Variants in VPS33B observed in about 807,000 individuals in gnomAD.
VPS33B encodes the protein vacuolar protein sorting-associated protein 33B.
In VPS33B, 80 loss-of-function variants were observed where a neutral mutation model predicts 95.3. The observed-to-expected ratio is 0.84, with a 90% CI of 0.70 to 1.01. The LOEUF is 1.01. Among genes scored for constraint, VPS33B ranks in the 50% least tolerant of loss-of-function variants. The pLI is 0.00. For missense variants in VPS33B, 715 were observed against 773.4 expected, an observed-to-expected ratio of 0.92 and a Z score of 0.90; for synonymous variants, 280 against 280.4, an observed-to-expected ratio of 1.00 and a Z score of 0.01.
intron 6 of VPS33B, among the ~76,000 whole-genome samples, chr15:91,008,853 G>A (rs931169142): frequency 6.6e-6 from 1 of 152,134 alleles, no homozygotes; most frequent in Non-Finnish European, 1.5e-5. Flanking sequence ...TTAGAATTTG[G>A]GTAAGACTCG....
chr15:91,006,887 C>T lies in VPS33B; in HGVS notation c.700+63G>A, dbSNP rs934287389. 1.2e-4 allele frequency: 188 copies of T among 1,607,384 alleles called. No individual in the cohort carries two copies. The highest frequency in any genetic ancestry group is 1.6e-4 in the Middle Eastern group (1 of 6,074). Reference sequence around the variant, plus strand: ...CTTTAGGATTTTAACTTTGCCACCACGCCTTCCATATTCCCGTGTCTTCTA... The same window carrying T: ...CTTTAGGATTTTAACTTTGCCACCATGCCTTCCATATTCCCGTGTCTTCTA... On this transcript the variant is annotated intron_variant, in intron 9 of 22. Transcript: ENST00000333371. The surrounding 1 kb of genome is among the most constrained non-coding windows in gnomAD (Gnocchi z 5.4).
chr15:91,014,458 C>A (rs2040867686), intron 3 of VPS33B, 25 bp from the exon 4 acceptor site: 1 of 1,610,040 alleles, frequency 6.2e-7, no homozygotes, highest in Non-Finnish European at 8.5e-7. Context: ...GAAAAAAAAA[C>A]AGTGAAGAAG....
chr15:91,009,986 T>A lies in VPS33B; in HGVS notation c.358-140A>T. On this transcript the variant is annotated intron_variant, in intron 5 of 22. Coordinates refer to ENST00000333371, the MANE Select transcript of VPS33B (RefSeq NM_018668.5). The surrounding 1 kb of genome is among the most constrained non-coding windows in gnomAD (Gnocchi z 4.1). ...CAAGAGAACCCAGACTCTTAAGATC[T>A]AGAAAGAACCATTAGAATCATTCAG... 1 of 896,134 alleles carries A rather than the reference T, an allele frequency of 1.1e-6. No homozygotes were observed. The highest frequency in any genetic ancestry group is 1.8e-6 in the Non-Finnish European group (1 of 550,906). 55.5% of individuals were successfully genotyped at this position (896,134 alleles called of 1,614,324 possible).
At chr15:91,001,988 C>G in intron 18 of VPS33B, 62 bp downstream of exon 18, 1 of 1,611,564 alleles carries the variant, frequency 6.2e-7, no homozygotes, top group Non-Finnish European at 8.5e-7. Context: ...TCCCAGCATG[C>G]TGCGTGTTGA....
At chr15:91,017,365 T>TAAAAAAAAAAAAAAAAA (rs1272281030) in intron 2 of VPS33B, among the ~76,000 whole-genome samples, 8 of 17,000 alleles carry the variant, frequency 4.7e-4, no homozygotes, top group African/African-American at 8.6e-4. Flanking sequence ...TCTACAAAAT[T>TAAAAAAAAAAAAAAAAA]AAATATATAT....
chr15:91,001,261 G>C lies in VPS33B; in HGVS notation c.1479+128C>G, dbSNP rs557790506. On this transcript the variant is annotated intron_variant, in intron 19 of 22. Transcript: ENST00000333371. ...GGAGGCAGAGGTTGCAGTGAGCTGAGATTGTGCCACTGCACTCCAGCCTGG... is the reference window on the plus strand; with the variant it reads ...GGAGGCAGAGGTTGCAGTGAGCTGACATTGTGCCACTGCACTCCAGCCTGG... 6.4e-5 allele frequency: 43 copies of C among 675,732 alleles called. No homozygotes were observed. In the African/African-American group the frequency reaches 7.2e-4, roughly 11 times the overall value. 41.9% of individuals were successfully genotyped at this position (675,732 alleles called of 1,614,324 possible). A position where few individuals can be genotyped will look rare whatever the true frequency, so the allele number is the denominator to read the frequency against.
chr15:91,013,326 C>T lies in VPS33B; in HGVS notation c.357+478G>A, dbSNP rs1254084251. 2.8e-4 allele frequency among the ~76,000 whole-genome samples: 43 copies of T among 152,222 alleles called. No homozygotes were observed. Among genetic ancestry groups the T allele is most frequent in the Admixed American group, 2.8e-3 (43 of 15,290 alleles). On this transcript the variant is annotated intron_variant, in intron 5 of 22. Coordinates refer to ENST00000333371, the MANE Select transcript of VPS33B (RefSeq NM_018668.5). This position sits in a 1 kb window ranked among gnomAD's most constrained non-coding sequence, Gnocchi z 4.5. ...GTTAGTGACAGGTATTAGGTTCAATCACACATAATTTGCTTTGAGGGAGTG... is the reference window on the plus strand; with the variant it reads ...GTTAGTGACAGGTATTAGGTTCAATTACACATAATTTGCTTTGAGGGAGTG...
rs568309234 is a variant in VPS33B, at chr15:91,001,118, C to G, written c.1479+271G>C. On this transcript the variant is annotated intron_variant, in intron 19 of 22. Transcript: ENST00000333371. ...ATCACCTGAGGTCAGAAGTTCAAGACCAGCCTGGCCAACATGGGGAAACCT... is the reference window on the plus strand; with the variant it reads ...ATCACCTGAGGTCAGAAGTTCAAGAGCAGCCTGGCCAACATGGGGAAACCT... The G allele has an allele frequency of 3.8e-4, 153 of 397,682 alleles. 1 individual carries two copies. The highest frequency in any genetic ancestry group is 2.9e-3 in the African/African-American group (140 of 48,232). 24.6% of individuals were successfully genotyped at this position (397,682 alleles called of 1,614,324 possible). A position where few individuals can be genotyped will look rare whatever the true frequency, so the allele number is the denominator to read the frequency against.
intron 16 of VPS33B, 29 bp from the exon 17 acceptor site, chr15:91,003,160 A>C (rs142068481): frequency 2.5e-6 from 4 of 1,613,838 alleles, no homozygotes; most frequent in South Asian, 1.1e-5. Flanking sequence ...AGACAGGTGC[A>C]TGAGAAAGAG....
At position 91,005,350 on chromosome 15, in the gene VPS33B, G is replaced by A; in HGVS notation, c.1105+30C>T. 1 of 1,614,140 alleles carries A rather than the reference G, an allele frequency of 6.2e-7. No individual in the cohort carries two copies. The highest frequency in any genetic ancestry group is 8.5e-7 in the Non-Finnish European group (1 of 1,180,004). On this transcript the variant is annotated intron_variant, in intron 14 of 22. Coordinates refer to ENST00000333371, the MANE Select transcript of VPS33B (RefSeq NM_018668.5). This position sits in a 1 kb window ranked among gnomAD's most constrained non-coding sequence, Gnocchi z 6.4. ...GGGAGCTGGGGAAGTAGAAGCGTGG[G>A]CAGTAGCACAGCAAGGCTGCGGCAG...
rs748550254 is a variant in VPS33B at position 91,000,128 on chromosome 15, C to A, written c.1582-153G>T. On this transcript the variant is annotated intron_variant, in intron 20 of 22. Coordinates refer to ENST00000333371, the MANE Select transcript of VPS33B (RefSeq NM_018668.5). The surrounding 1 kb of genome is among the most constrained non-coding windows in gnomAD (Gnocchi z 4.9). Reference sequence around the variant, plus strand: ...GGTGTGGTGGCTCACGCCTGTAATTCCAACACTTTAGGAGTTTGAGGCGGG... The same window carrying A: ...GGTGTGGTGGCTCACGCCTGTAATTACAACACTTTAGGAGTTTGAGGCGGG... Among the ~76,000 whole-genome samples, 28 of 152,180 alleles carry A rather than the reference C, an allele frequency of 1.8e-4. No individual in the cohort carries two copies. The highest frequency in any genetic ancestry group is 3.5e-4 in the Non-Finnish European group (24 of 68,028).
In VPS33B at chr15:91,010,073, C is replaced by T. The variant is rs79439930; in HGVS notation, c.358-227G>A. Among the ~76,000 whole-genome samples the T allele has an allele frequency of 0.022, 3,347 of 152,294 alleles. 121 individuals are homozygous for T. Among genetic ancestry groups the T allele is most frequent in the African/African-American group, 0.077 (3,210 of 41,538 alleles). ...TGTTTGAGTAAATTGCTTCTTATCTCCCTGAGAGAATGGAAGAGGTTTACA... is the reference window on the plus strand; with the variant it reads ...TGTTTGAGTAAATTGCTTCTTATCTTCCTGAGAGAATGGAAGAGGTTTACA... On this transcript the variant is annotated intron_variant, in intron 5 of 22. Transcript: ENST00000333371. The surrounding 1 kb of genome is among the most constrained non-coding windows in gnomAD (Gnocchi z 5.7).
At position 91,009,400 on chromosome 15, in the gene VPS33B, G is replaced by T. The variant is rs2040714258; in HGVS notation, c.403+401C>A. Among the ~76,000 whole-genome samples the T allele has an allele frequency of 6.6e-6, 1 of 151,670 alleles. No homozygotes were observed. The highest frequency in any genetic ancestry group is 2.1e-4 in the South Asian group (1 of 4,800). ...CGGCTCACTGCAACCTCTGCCTCCC[G>T]GGTTCAAGCAATTCTTCTGCCTCAG... On this transcript the variant is annotated intron_variant, in intron 6 of 22. Coordinates refer to ENST00000333371, the MANE Select transcript of VPS33B (RefSeq NM_018668.5). The surrounding 1 kb of genome is among the most constrained non-coding windows in gnomAD (Gnocchi z 4.1).
chr15:91,017,302 C>T (rs888526247), intron 2 of VPS33B, among the ~76,000 whole-genome samples: 3 of 140,062 alleles, frequency 2.1e-5, no homozygotes, highest in South Asian at 2.3e-4. Context: ...GTAGGAGGAT[C>T]ACTTGAACCC....
Position 91,006,157 on chromosome 15 carries a change from A to C in VPS33B, c.853-98T>G. 1.4e-6 allele frequency: 2 copies of C among 1,434,476 alleles called. No individual in the cohort carries two copies. The highest frequency in any genetic ancestry group is 4.6e-5 in the East Asian group (2 of 43,616). The allele number at this position is 1,434,476 out of a possible 1,614,324, so 88.9% of individuals were successfully genotyped here. Reference sequence around the variant, plus strand: ...AAGGGTACTCAGGTGTTCTGGCAGAAATACAAAGAAAGCTGAGCTGGGATC... The same window carrying C: ...AAGGGTACTCAGGTGTTCTGGCAGACATACAAAGAAAGCTGAGCTGGGATC... On this transcript the variant is annotated intron_variant, in intron 11 of 22. Coordinates refer to ENST00000333371, the MANE Select transcript of VPS33B (RefSeq NM_018668.5). This position sits in a 1 kb window ranked among gnomAD's most constrained non-coding sequence, Gnocchi z 5.4.
In VPS33B at chr15:91,006,725, C is replaced by T. The variant is rs746711287; in HGVS notation, c.705G>A (p.Val235=). 5 of 1,614,046 alleles carry T rather than the reference C, an allele frequency of 3.1e-6. No homozygotes were observed. Among genetic ancestry groups the T allele is most frequent in the East Asian group, 2.2e-5 (1 of 44,892 alleles). The change falls in exon 10 of 23, where the codon GTG becomes GTA. Residue 235 remains valine (V), a synonymous_variant. Transcript: ENST00000333371. This position sits in a 1 kb window ranked among gnomAD's most constrained non-coding sequence, Gnocchi z 5.4. ...GGGAGCAAAGTGCTGTCACAAAGTC[C>T]ACATCTGAAACAGAGATCCCTGACC... ...IGHIFLLDRD[V]DFVTALCSQV... is the part of the protein sequence containing the mutation.
Position 91,007,749 on chromosome 15 carries a change from T to C in VPS33B, c.498+121A>G, listed in dbSNP as rs974126396. On this transcript the variant is annotated intron_variant, in intron 7 of 22. Coordinates refer to ENST00000333371, the MANE Select transcript of VPS33B (RefSeq NM_018668.5). The surrounding 1 kb of genome is among the most constrained non-coding windows in gnomAD (Gnocchi z 5.3). ...CAATCTGTAGCACTCAATCACCACA[T>C]CACTATCACTTGTGATAAATTACTT... is the stretch of plus-strand genomic sequence containing the variant. 8 of 1,165,120 alleles carry C rather than the reference T, an allele frequency of 6.9e-6. No individual in the cohort carries two copies. The African/African-American group carries it at 1.1e-4, about 15-fold the overall frequency. 72.2% of individuals were successfully genotyped at this position (1,165,120 alleles called of 1,614,324 possible).
chr15:91,017,776 G>T, intron 2 of VPS33B, 29 bp downstream of exon 2: 2 of 1,607,326 alleles, frequency 1.2e-6, no homozygotes, highest in Non-Finnish European at 1.7e-6. Context: ...TTAAAGAGGG[G>T]CATGGCCCCC....
chr15:91,003,546 TCTC>T, intron 16 of VPS33B, among the ~76,000 whole-genome samples: 1 of 152,236 alleles, frequency 6.6e-6, no homozygotes, highest in East Asian at 1.9e-4. Flanking sequence ...TTCAAGCCAT[TCTC>T]CTGCCTCAGC....
Sources: gnomAD v4.1 joint callset for allele counts (sites outside exome capture counted in the v4.1 genomes callset) on GRCh38, gnomAD v4.1.1 for gene constraint, Gnocchi (gnomAD v3.1) non-coding constraint, MANE v1.5 for transcripts, NCBI Gene and HGNC (gene_info 2026-07-23, HGNC 2026-07-21) for gene names.